The following PDE4B variants were observed in gnomAD, a reference collection of about 807,000 sequenced individuals.
PDE4B encodes phosphodiesterase 4B.
PDE4B carries 20 observed loss-of-function variants against 82.2 expected under a neutral mutation model. The ratio of observed to expected loss-of-function variants is 0.24; its 90% CI spans 0.17 to 0.35. The LOEUF (loss-of-function observed/expected upper bound fraction) is 0.35, where lower values mean the gene tolerates loss of function less well. PDE4B is among the 10% of genes least tolerant of loss of function. PDE4B has a pLI of 1.00. For synonymous variants in PDE4B, 320 were observed against 318.9 expected (o/e 1.00, Z -0.04); for missense variants, 655 against 907.2 (o/e 0.72, Z 3.57).
At position 66,247,520 on chromosome 1, in the gene PDE4B, T is replaced by C; in HGVS notation, c.342T>C (p.Ser114=). The C allele has an allele frequency of 6.2e-7, 1 of 1,610,484 alleles. No homozygotes were observed. Among genetic ancestry groups the C allele is most frequent in the Non-Finnish European group, 8.5e-7 (1 of 1,178,014 alleles). ...GRSPLDPQAS[S]SAGLVLHATF... is the part of the protein sequence containing the mutation. ...GTCCACTGGATCCCCAGGCCAGCTC[T>C]TCCGCTGGGCTGGTACTTCACGCCA... is the stretch of plus-strand genomic sequence containing the variant. Residue 114 remains serine, a synonymous_variant, in exon 4 of 17, where the codon TCT becomes TCC. Transcript: ENST00000341517.
intron 1 of PDE4B, among the ~76,000 whole-genome samples, chr1:65,818,685 C>CACACACACATATATATATATAT (rs141035147): frequency 1.4e-5 from 2 of 143,778 alleles, no homozygotes; most frequent in African/African-American, 5.1e-5. Context: ...CACACACACA[C>CACACACACATATATATATATAT]ATATATATAT....
intron 8 of PDE4B, among the ~76,000 whole-genome samples, chr1:66,339,160 G>T (rs750853210): frequency 8.5e-5 from 13 of 152,134 alleles, no homozygotes; most frequent in Non-Finnish European, 1.8e-4. Context: ...TAATGCTTCA[G>T]TAATATGTAA....
At chr1:66,355,135 C>A (rs1446646220) in intron 8 of PDE4B, 2 of 409,166 alleles carry the variant, frequency 4.9e-6, no homozygotes, top group Non-Finnish European at 8.6e-6. Flanking sequence ...CTTTTTTTTT[C>A]TTTTTCCCTT....
chr1:66,191,302 C>G (rs568350395), intron 3 of PDE4B, among the ~76,000 whole-genome samples: 1 of 152,262 alleles, frequency 6.6e-6, no homozygotes, highest in East Asian at 1.9e-4. Flanking sequence ...GCTACATCCT[C>G]ATAAGCATTT....
At chr1:65,874,092 T>C (rs1271658418) in intron 1 of PDE4B, among the ~76,000 whole-genome samples, 4 of 152,004 alleles carry the variant, frequency 2.6e-5, no homozygotes, top group South Asian at 2.1e-4. Context: ...TTTTATTTCC[T>C]TGAGCAGTGG....
chr1:66,038,989 A>G (rs1208178244), intron 3 of PDE4B, among the ~76,000 whole-genome samples: 1 of 151,924 alleles, frequency 6.6e-6, no homozygotes, highest in African/African-American at 2.4e-5. Context: ...TACTCTCAGG[A>G]AGAGTTTTAT....
intron 3 of PDE4B, among the ~76,000 whole-genome samples, chr1:65,952,017 A>T (rs1248229954): frequency 2.0e-5 from 3 of 152,080 alleles, no homozygotes; most frequent in Non-Finnish European, 4.4e-5. Context: ...TTCTTTTCTT[A>T]GGACAGTGTT....
chr1:66,244,610 T>A (rs1653154806), intron 3 of PDE4B, among the ~76,000 whole-genome samples: 1 of 152,200 alleles, frequency 6.6e-6, no homozygotes, highest in African/African-American at 2.4e-5. Flanking sequence ...TTGCTGTGAC[T>A]GGGGCTGGTG....
intron 3 of PDE4B, among the ~76,000 whole-genome samples, chr1:66,170,423 T>C: frequency 6.6e-6 from 1 of 152,106 alleles, no homozygotes; most frequent in Non-Finnish European, 1.5e-5. Context: ...TTGAGTGGAG[T>C]TTTTCTGTAA....
At chr1:65,912,545 C>T (rs1188804580) in intron 1 of PDE4B, among the ~76,000 whole-genome samples, 2 of 152,198 alleles carry the variant, frequency 1.3e-5, no homozygotes, top group Non-Finnish European at 2.9e-5. Flanking sequence ...TCATGAACTA[C>T]AGCATCTCTA....
chr1:66,290,951 G>T lies in PDE4B; in HGVS notation c.634+24864G>T, dbSNP rs113285206. 2.6e-3 allele frequency among the ~76,000 whole-genome samples: 401 copies of T among 152,248 alleles called. 3 individuals are homozygous for T. Among genetic ancestry groups the T allele is most frequent in the African/African-American group, 8.6e-3 (357 of 41,554 alleles). ...ATTCTGGAAGAGGTCCAAACTGGAT[G>T]CTTTGTCTTCTACCTCACAGCTTTC... On this transcript the variant is annotated intron_variant, in intron 7 of 16. Coordinates refer to ENST00000341517, the MANE Select transcript of PDE4B (RefSeq NM_002600.4).
At chr1:65,914,350 T>C (rs1025604267) in intron 2 of PDE4B, among the ~76,000 whole-genome samples, 4 of 152,184 alleles carry the variant, frequency 2.6e-5, no homozygotes, top group African/African-American at 9.7e-5. Flanking sequence ...GTGTGCTATT[T>C]AGATTTTTCC....
chr1:65,917,579 A>T (rs1337604510), intron 2 of PDE4B, among the ~76,000 whole-genome samples: 1 of 152,202 alleles, frequency 6.6e-6, no homozygotes, highest in Non-Finnish European at 1.5e-5. Context: ...TCCCACTCCC[A>T]ACAATCTCAG....
chr1:66,091,018 G>A (rs1035782773), intron 3 of PDE4B, among the ~76,000 whole-genome samples: 1 of 152,080 alleles, frequency 6.6e-6, no homozygotes, highest in African/African-American at 2.4e-5. Flanking sequence ...TGTGTTCATT[G>A]GAGTGGAGTC....
At chr1:66,156,655 A>G (rs1272360563) in intron 3 of PDE4B, among the ~76,000 whole-genome samples, 1 of 151,920 alleles carries the variant, frequency 6.6e-6, no homozygotes, top group Non-Finnish European at 1.5e-5. Flanking sequence ...AGAGTTGTCT[A>G]TGTTCATTAT....
chr1:66,120,779 T>C (rs1325340879), intron 3 of PDE4B, among the ~76,000 whole-genome samples: 1 of 152,178 alleles, frequency 6.6e-6, no homozygotes, highest in African/African-American at 2.4e-5. Flanking sequence ...GCTCCAATTC[T>C]GGCTTCTCTC....
At chr1:65,901,267 A>G (rs1006910732) in intron 1 of PDE4B, among the ~76,000 whole-genome samples, 5 of 152,112 alleles carry the variant, frequency 3.3e-5, no homozygotes, top group Non-Finnish European at 5.9e-5. Context: ...ATTGATTTGC[A>G]TATTATGAAT....
At chr1:65,949,628 CT>C (rs1192431513) in intron 3 of PDE4B, among the ~76,000 whole-genome samples, 4 of 152,064 alleles carry the variant, frequency 2.6e-5, no homozygotes, top group African/African-American at 9.7e-5. Flanking sequence ...TTCTTTTCTG[CT>C]TTACCTGTCC....
chr1:65,855,031 G>T (rs1302273969), intron 1 of PDE4B, among the ~76,000 whole-genome samples: 1 of 151,002 alleles, frequency 6.6e-6, no homozygotes, highest in African/African-American at 2.4e-5. Flanking sequence ...GTTTTTTATT[G>T]TTAGATATTT....
Sources: gnomAD v4.1 joint callset for allele counts (sites outside exome capture counted in the v4.1 genomes callset) on GRCh38, gnomAD v4.1.1 for gene constraint, MANE v1.5 for transcripts, NCBI Gene and HGNC (gene_info 2026-07-23, HGNC 2026-07-21) for gene names.